The following ROBO2 variants were observed in gnomAD, a reference collection of about 807,000 sequenced individuals.
ROBO2 encodes the protein roundabout homolog 2.
A neutral mutation model predicts 160.8 loss-of-function variants in ROBO2; 53 were observed. The observed-to-expected ratio is 0.33, with a 90% CI of 0.26 to 0.41. The LOEUF is 0.41. Among genes scored for constraint, ROBO2 ranks in the 10% least tolerant of loss-of-function variants. The pLI is 1.00. For synonymous variants in ROBO2, 664 were observed against 611.7 expected (o/e 1.09, Z -1.26); for missense variants, 1,577 against 1,722.4 (o/e 0.92, Z 1.49).
In ROBO2 at chr3:76,538,303, C is replaced by T. The variant is rs559724533; in HGVS notation, c.110-559711C>T. 5.3e-5 allele frequency among the ~76,000 whole-genome samples: 8 copies of T among 152,226 alleles called. No homozygotes were observed. The South Asian group carries it at 1.2e-3, about 24-fold the overall frequency. On this transcript the variant is annotated intron_variant, in intron 2 of 26. Transcript: ENST00000487694. ...TTTCCTCTATTTATTTGTCCCTCTC[C>T]CTTCTCTTTTCTACGTAGGCAATTC...
exon 26 of ROBO2, chr3:77,649,489 A>C (rs1469408992): frequency 1.3e-5 from 2 of 152,180 alleles, no homozygotes; most frequent in African/African-American, 4.8e-5. Flanking sequence ...ATATGCAGAA[A>C]CATAATATTC....
chr3:76,536,220 G>A (rs867849361), intron 2 of ROBO2, among the ~76,000 whole-genome samples: 56 of 152,200 alleles, frequency 3.7e-4, no homozygotes, highest in African/African-American at 1.3e-3. Context: ...TACAGCGGAG[G>A]CAAGCAGTTG....
intron 2 of ROBO2, among the ~76,000 whole-genome samples, chr3:76,763,633 A>G (rs2061427370): frequency 6.6e-6 from 1 of 151,686 alleles, no homozygotes; most frequent in South Asian, 2.1e-4. Context: ...ACTAATTCAT[A>G]AAAACCAACA....
At chr3:76,638,147 TA>T (rs2090441230) in intron 2 of ROBO2, among the ~76,000 whole-genome samples, 1 of 152,318 alleles carries the variant, frequency 6.6e-6, no homozygotes, top group Admixed American at 6.5e-5. Flanking sequence ...CCTGCCTAAA[TA>T]ACCATCTGAT....
chr3:76,365,784 A>G (rs1274092030), intron 2 of ROBO2, among the ~76,000 whole-genome samples: 2 of 152,032 alleles, frequency 1.3e-5, no homozygotes, highest in East Asian at 3.9e-4. Flanking sequence ...ATGATTCACA[A>G]CATGAGAAAT....
intron 2 of ROBO2, among the ~76,000 whole-genome samples, chr3:76,891,807 C>T (rs1428174848): frequency 1.3e-5 from 2 of 152,126 alleles, no homozygotes; most frequent in African/African-American, 4.8e-5. Flanking sequence ...AAGAGGGTAT[C>T]AGTGGAAGTA....
At chr3:76,792,842 C>T (rs2063455239) in intron 2 of ROBO2, among the ~76,000 whole-genome samples, 3 of 151,666 alleles carry the variant, frequency 2.0e-5, no homozygotes, top group Admixed American at 6.6e-5. Context: ...AAATGAGGCT[C>T]AATAATAAAA....
chr3:76,834,764 A>C (rs1444766835), intron 2 of ROBO2, among the ~76,000 whole-genome samples: 1 of 152,202 alleles, frequency 6.6e-6, no homozygotes, highest in Non-Finnish European at 1.5e-5. Flanking sequence ...CTGGGATTAC[A>C]GAATTTAAGG....
chr3:76,705,918 A>C (rs1220879520), intron 2 of ROBO2, among the ~76,000 whole-genome samples: 1 of 152,150 alleles, frequency 6.6e-6, no homozygotes, highest in Non-Finnish European at 1.5e-5. Flanking sequence ...ATTTACTGAA[A>C]TCTGTCTGTG....
intron 2 of ROBO2, among the ~76,000 whole-genome samples, chr3:75,939,259 G>T (rs902881597): frequency 6.6e-6 from 1 of 152,088 alleles, no homozygotes; most frequent in Non-Finnish European, 1.5e-5. Context: ...TATCACACAG[G>T]GTTGCTAAAA....
chr3:76,793,927 A>AT (rs1319122501), intron 2 of ROBO2, among the ~76,000 whole-genome samples: 1 of 151,814 alleles, frequency 6.6e-6, no homozygotes, highest in East Asian at 1.9e-4. Flanking sequence ...ATCCTATTTG[A>AT]TTTTTTTGAA....
At chr3:75,907,402 G>T (rs1946393423) in intron 1 of ROBO2, among the ~76,000 whole-genome samples, 1 of 152,058 alleles carries the variant, frequency 6.6e-6, no homozygotes, top group African/African-American at 2.4e-5. Flanking sequence ...TAAGTTTGGG[G>T]GTGGGGGTTG....
At position 76,995,523 on chromosome 3, in the gene ROBO2, C is replaced by A. The variant is rs2060948387; in HGVS notation, c.110-102491C>A. 4.6e-5 allele frequency among the ~76,000 whole-genome samples: 7 copies of A among 152,182 alleles called. No homozygotes were observed. The South Asian group carries it at 1.5e-3, about 32-fold the overall frequency. On this transcript the variant is annotated intron_variant, in intron 2 of 26. Transcript: ENST00000487694. ...TAGTTCTAGATCACTGAGGAATCGC[C>A]ACACTGACTTCCACAATGGTTGAAC... is the stretch of plus-strand genomic sequence containing the variant.
chr3:77,360,261 C>CA (rs1002513215), intron 2 of ROBO2, among the ~76,000 whole-genome samples: 4 of 151,148 alleles, frequency 2.6e-5, no homozygotes, highest in Admixed American at 2.6e-4. Flanking sequence ...AACCCCCCCC[C>CA]CAAATTTAGA....
intron 2 of ROBO2, among the ~76,000 whole-genome samples, chr3:76,806,479 G>A (rs970704994): frequency 6.6e-6 from 1 of 151,702 alleles, no homozygotes; most frequent in African/African-American, 2.4e-5. Flanking sequence ...TGTTAAGGAA[G>A]GTGCAATGTA....
intron 2 of ROBO2, among the ~76,000 whole-genome samples, chr3:76,996,586 A>G (rs2149397101): frequency 6.7e-6 from 1 of 149,854 alleles, no homozygotes; most frequent in East Asian, 2.0e-4. Flanking sequence ...ACCCCTGAGC[A>G]TGGAATGTTC....
chr3:77,500,156 T>C (rs1233766218), intron 5 of ROBO2, among the ~76,000 whole-genome samples: 1 of 152,284 alleles, frequency 6.6e-6, no homozygotes, highest in East Asian at 1.9e-4. Flanking sequence ...ACCATTATTA[T>C]AAAAAGATGT....
chr3:76,088,828 T>C (rs908219924), intron 2 of ROBO2, among the ~76,000 whole-genome samples: 11 of 151,076 alleles, frequency 7.3e-5, no homozygotes, highest in African/African-American at 2.7e-4. Context: ...ACAAATTAAA[T>C]CCAAAGTAGG....
intron 2 of ROBO2, among the ~76,000 whole-genome samples, chr3:76,094,542 T>A (rs1375201592): frequency 6.6e-6 from 1 of 152,222 alleles, no homozygotes; most frequent in African/African-American, 2.4e-5. Context: ...ACAAATAAAA[T>A]GTACTGCTCT....
Sources: allele counts gnomAD v4.1 joint callset (sites outside exome capture counted in the v4.1 genomes callset), GRCh38; gene constraint gnomAD v4.1.1; transcripts MANE v1.5; gene names NCBI Gene and HGNC (gene_info 2026-07-23, HGNC 2026-07-21).